The following PHF20 variants were observed in gnomAD, a reference collection of about 807,000 sequenced individuals.
PHF20 encodes the protein PHD finger protein 20.
PHF20 carries 23 observed loss-of-function variants against 113.5 expected under a neutral mutation model. The ratio of observed to expected loss-of-function variants is 0.20; its 90% CI spans 0.15 to 0.29. The LOEUF (loss-of-function observed/expected upper bound fraction) is 0.29, where lower values mean the gene tolerates loss of function less well. PHF20 is among the 10% of genes least tolerant of loss of function. The probability of loss-of-function intolerance (pLI) is 1.00; values close to 1 mark genes in which losing one functional copy is unlikely to be tolerated. For missense variants in PHF20, 943 were observed against 1,219.6 expected (o/e 0.77, Z 3.38); for synonymous variants, 434 against 457.3 (o/e 0.95, Z 0.65).
chr20:35,863,514 AATTGTC>A, intron 6 of PHF20, 114 bp downstream of exon 6: 1 of 1,108,534 alleles, frequency 9.0e-7, no homozygotes, highest in Non-Finnish European at 1.3e-6. Context: ...ACTGATTTTG[AATTGTC>A]TTATGATCTG....
At chr20:35,818,719 T>C (rs771760431) in intron 2 of PHF20, among the ~76,000 whole-genome samples, 2 of 152,146 alleles carry the variant, frequency 1.3e-5, no homozygotes, top group Non-Finnish European at 2.9e-5. Context: ...GTATTTGTTA[T>C]AGAGACTGAG....
intron 3 of PHF20, among the ~76,000 whole-genome samples, chr20:35,845,885 C>T (rs1009145564): frequency 3.3e-5 from 5 of 150,444 alleles, no homozygotes; most frequent in Admixed American, 6.7e-5. Flanking sequence ...AAGTGATTCT[C>T]GAGTCTTAGC....
At chr20:35,843,863 C>G (rs2042574938) in intron 3 of PHF20, among the ~76,000 whole-genome samples, 1 of 152,170 alleles carries the variant, frequency 6.6e-6, no homozygotes, top group African/African-American at 2.4e-5. Flanking sequence ...TAGGTGTAAG[C>G]TCGTCCTGCA....
chr20:35,798,504 GAATGT>G (rs1191788899), intron 1 of PHF20, among the ~76,000 whole-genome samples: 1 of 151,656 alleles, frequency 6.6e-6, no homozygotes, highest in African/African-American at 2.4e-5. Flanking sequence ...GCCCAGGCTA[GAATGT>G]AATGGTGCGA....
chr20:35,772,744 A>G (rs2041089159), intron 1 of PHF20, among the ~76,000 whole-genome samples: 1 of 151,560 alleles, frequency 6.6e-6, no homozygotes, highest in Admixed American at 6.6e-5. Context: ...TTGATTCTGC[A>G]TTTCCGTTCC....
intron 1 of PHF20, among the ~76,000 whole-genome samples, chr20:35,781,931 G>A (rs1405730066): frequency 6.6e-6 from 1 of 151,538 alleles, no homozygotes; most frequent in Non-Finnish European, 1.5e-5. Context: ...CTAGGTGACA[G>A]AGCGAGACTC....
intron 17 of PHF20, among the ~76,000 whole-genome samples, chr20:35,942,867 G>T (rs186822722): frequency 1.3e-5 from 2 of 150,978 alleles, no homozygotes; most frequent in South Asian, 2.1e-4. Flanking sequence ...TCTGTTGCCC[G>T]GGCTGGAGTG....
Position 35,885,733 on chromosome 20 carries a change from A to G in PHF20, c.1283-13637A>G, listed in dbSNP as rs143954451. ...TTTACTGGTGACATTAACTTTTATCACTTACCTAAGGTAGTATCTACCAGC... is the reference window on the plus strand; with the variant it reads ...TTTACTGGTGACATTAACTTTTATCGCTTACCTAAGGTAGTATCTACCAGC... On this transcript the variant is annotated intron_variant, in intron 9 of 17. Coordinates refer to ENST00000374012, the MANE Select transcript of PHF20 (RefSeq NM_016436.5). 5.3e-3 allele frequency among the ~76,000 whole-genome samples: 810 copies of G among 151,912 alleles called. 9 individuals are homozygous for G. The highest frequency in any genetic ancestry group is 0.019 in the African/African-American group (775 of 41,426).
chr20:35,858,235 T>A, intron 4 of PHF20, 67 bp from the exon 5 acceptor site: 1 of 831,252 alleles, frequency 1.2e-6, no homozygotes, highest in Non-Finnish European at 2.1e-6. Context: ...CTTGTGTTTA[T>A]ACTTTGAAAA....
At chr20:35,860,405 T>G (rs1313113312) in intron 5 of PHF20, among the ~76,000 whole-genome samples, 1 of 151,546 alleles carries the variant, frequency 6.6e-6, no homozygotes, top group East Asian at 2.0e-4. Flanking sequence ...TATGCCCAGC[T>G]AATTTTTGTA....
At chr20:35,911,256 A>C (rs866682084) in intron 10 of PHF20, among the ~76,000 whole-genome samples, 5 of 151,538 alleles carry the variant, frequency 3.3e-5, no homozygotes, top group Non-Finnish European at 5.9e-5. Context: ...GTTAGCCAGG[A>C]TGGTCTCAAT....
chr20:35,822,921 C>G lies in PHF20; in HGVS notation c.84-19652C>G, dbSNP rs532692779. On this transcript the variant is annotated intron_variant, in intron 2 of 17. Transcript: ENST00000374012. ...CCTGTGTTCTCCCTCCAGCCTCCCC[C>G]ACTTTCAACATCCTGCACCAGAGTG... is the stretch of plus-strand genomic sequence containing the variant. 4.6e-5 allele frequency among the ~76,000 whole-genome samples: 7 copies of G among 151,604 alleles called. No homozygotes were observed. The South Asian group carries it at 6.3e-4, about 14-fold the overall frequency.
At chr20:35,844,437 T>C (rs1206421306) in intron 3 of PHF20, among the ~76,000 whole-genome samples, 2 of 132,026 alleles carry the variant, frequency 1.5e-5, no homozygotes, top group African/African-American at 2.9e-5. Context: ...TTTTTGATAA[T>C]GTTGTCCAGC....
At chr20:35,875,375 G>A (rs566907701) in intron 9 of PHF20, among the ~76,000 whole-genome samples, 1 of 151,710 alleles carries the variant, frequency 6.6e-6, no homozygotes, top group South Asian at 2.1e-4. Flanking sequence ...TCCAGCCTGG[G>A]TGACAGAGTG....
At chr20:35,914,233 C>T in intron 12 of PHF20, 36 bp downstream of exon 12, 1 of 1,590,888 alleles carries the variant, frequency 6.3e-7, no homozygotes, top group Non-Finnish European at 8.6e-7. Context: ...ATTTGCTGAT[C>T]ATTTATTGGA....
intron 2 of PHF20, among the ~76,000 whole-genome samples, chr20:35,821,058 C>G (rs925370274): frequency 6.6e-6 from 1 of 151,976 alleles, no homozygotes; most frequent in Non-Finnish European, 1.5e-5. Context: ...GGGGCCAGAT[C>G]GGCCATAATA....
At chr20:35,947,311 T>A (rs553441252) in intron 17 of PHF20, among the ~76,000 whole-genome samples, 174 bp from the exon 18 acceptor site, 1 of 152,218 alleles carries the variant, frequency 6.6e-6, no homozygotes, top group South Asian at 2.1e-4. Context: ...GTAGAGCAGG[T>A]GTTGACACAG....
chr20:35,781,771 C>A (rs1360290233), intron 1 of PHF20, among the ~76,000 whole-genome samples: 1 of 151,992 alleles, frequency 6.6e-6, no homozygotes, highest in African/African-American at 2.4e-5. Flanking sequence ...ATGGCAAAAC[C>A]CCATCTCTAC....
intron 2 of PHF20, among the ~76,000 whole-genome samples, chr20:35,810,939 C>T (rs892788562): frequency 1.3e-5 from 2 of 152,062 alleles, no homozygotes; most frequent in African/African-American, 4.8e-5. Context: ...GATAGTATTG[C>T]TGCAAGGTAC....
Sources: gnomAD v4.1 joint callset for allele counts (sites outside exome capture counted in the v4.1 genomes callset) on GRCh38, gnomAD v4.1.1 for gene constraint, MANE v1.5 for transcripts, NCBI Gene and HGNC (gene_info 2026-07-23, HGNC 2026-07-21) for gene names.